Variants in CUX2 observed in about 807,000 individuals in gnomAD.
CUX2 encodes cut like homeobox 2, also known as homeobox protein cut-like 2.
CUX2 carries 40 observed loss-of-function variants against 144.8 expected under a neutral mutation model. The ratio of observed to expected loss-of-function variants is 0.28; its 90% CI spans 0.21 to 0.36. The LOEUF (loss-of-function observed/expected upper bound fraction) is 0.36, where lower values mean the gene tolerates loss of function less well. Ranked by LOEUF, CUX2 falls within the 10% of genes least tolerant of loss-of-function variation. The pLI is 1.00. For missense variants in CUX2, 1,615 were observed against 1,994.0 expected (o/e 0.81, Z 3.62); for synonymous variants, 827 against 875.6 (o/e 0.94, Z 0.98).
At chr12:111,147,862 A>G (rs1441476186) in intron 1 of CUX2, among the ~76,000 whole-genome samples, 1 of 152,228 alleles carries the variant, frequency 6.6e-6, no homozygotes, top group South Asian at 2.1e-4. Flanking sequence ...CAGGGGGCCC[A>G]GGCTCCCAGA....
At chr12:111,223,201 C>T (rs558414427) in intron 3 of CUX2, among the ~76,000 whole-genome samples, 2 of 152,184 alleles carry the variant, frequency 1.3e-5, no homozygotes, top group Admixed American at 1.3e-4. Flanking sequence ...TCCCTGCCCT[C>T]AAGGATGTCC....
Position 111,034,212 on chromosome 12 carries a change from G to A in CUX2, c.35G>A (p.Trp12Ter). The change falls in exon 1 of 22, where the codon TGG (tryptophan) becomes TAG (stop). Residue 12 changes from tryptophan (W) to a stop codon, truncating the protein, a stop_gained. Coordinates refer to ENST00000261726, the MANE Select transcript of CUX2 (RefSeq NM_015267.4). LOFTEE classifies it high-confidence loss of function. The surrounding 1 kb of genome is among the most constrained non-coding windows in gnomAD (Gnocchi z 4.2). ...AATGTGGGATCGATGTTTCAATATT[G>A]GAAGCGATTTGATCTACGGCGACTC... ...AANVGSMFQY[W>*]KRFDLRRLQK... is the part of the protein sequence containing the mutation. The A allele has an allele frequency of 7.1e-7, 1 of 1,401,912 alleles. No homozygotes were observed. Among genetic ancestry groups the A allele is most frequent in the Non-Finnish European group, 9.5e-7 (1 of 1,048,858 alleles). The allele number at this position is 1,401,912 out of a possible 1,614,324, so 86.8% of individuals were successfully genotyped here. A position where few individuals can be genotyped will look rare whatever the true frequency, so the allele number is the denominator to read the frequency against.
At chr12:111,314,617 G>A (rs373873942) in intron 16 of CUX2, among the ~76,000 whole-genome samples, 76 of 127,102 alleles carry the variant, frequency 6.0e-4, no homozygotes, top group Admixed American at 2.3e-3. Context: ...TCCAGCCTGC[G>A]CAACAAGAGC....
In CUX2 at chr12:111,304,173, G is replaced by A. The variant is rs1225883630; in HGVS notation, c.754-37G>A. The stretch of plus-strand genomic sequence containing the variant: ...AGGGAGAAGGTGGAAGTGCAGAGTG[G>A]GCTCACCTCTCGCCCACACTGTCCC... On this transcript the variant is annotated intron_variant, in intron 9 of 21. Transcript: ENST00000261726. This position sits in a 1 kb window ranked among gnomAD's most constrained non-coding sequence, Gnocchi z 4.7. 6.5e-7 allele frequency: 1 copy of A among 1,547,064 alleles called. No individual in the cohort carries two copies. Among genetic ancestry groups the A allele is most frequent in the Non-Finnish European group, 8.9e-7 (1 of 1,127,688 alleles).
At chr12:111,137,123 TA>T (rs1875945096) in intron 1 of CUX2, among the ~76,000 whole-genome samples, 1 of 147,674 alleles carries the variant, frequency 6.8e-6, no homozygotes, top group South Asian at 2.1e-4. Flanking sequence ...TTTTTTTTGG[TA>T]GAGATGGCCA....
intron 1 of CUX2, among the ~76,000 whole-genome samples, chr12:111,115,275 ATTTC>A (rs1874217266): frequency 1.4e-5 from 2 of 140,456 alleles, no homozygotes; most frequent in Non-Finnish European, 3.1e-5. Context: ...AGATAATAAA[ATTTC>A]TTTTTTTTTT....
intron 1 of CUX2, among the ~76,000 whole-genome samples, chr12:111,212,133 G>A (rs1592844233): frequency 6.6e-6 from 1 of 152,078 alleles, no homozygotes; most frequent in East Asian, 1.9e-4. Flanking sequence ...TTTGTCTATT[G>A]CTGCAAACAC....
intron 18 of CUX2, among the ~76,000 whole-genome samples, chr12:111,330,720 T>TATATATATAC (rs1565926234): frequency 2.0e-5 from 1 of 49,872 alleles, no homozygotes; most frequent in African/African-American, 1.1e-4. Flanking sequence ...TATATATATA[T>TATATATATAC]ATATATATAT....
At chr12:111,049,429 C>T (rs2136010219) in intron 1 of CUX2, among the ~76,000 whole-genome samples, 1 of 152,328 alleles carries the variant, frequency 6.6e-6, no homozygotes, top group Admixed American at 6.5e-5. Context: ...AAAGCAGTCC[C>T]TGTTCTTAAG....
intron 1 of CUX2, among the ~76,000 whole-genome samples, chr12:111,101,608 T>C (rs1873243606): frequency 6.6e-6 from 1 of 152,198 alleles, no homozygotes; most frequent in Non-Finnish European, 1.5e-5. Flanking sequence ...CTCTGCAGAA[T>C]AGAAGATGGT....
chr12:111,289,708 T>G lies in CUX2; in HGVS notation c.302-1710T>G, dbSNP rs1885572852. ...AGTGATTGGGGAATTGGTGGACATC[T>G]TACATCTAGATGTGTGTTTTGCCCC... is the stretch of plus-strand genomic sequence containing the variant. On this transcript the variant is annotated intron_variant, in intron 4 of 21. Transcript: ENST00000261726. This position sits in a 1 kb window ranked among gnomAD's most constrained non-coding sequence, Gnocchi z 4.1. Among the ~76,000 whole-genome samples the G allele has an allele frequency of 6.6e-6, 1 of 152,090 alleles. No homozygotes were observed.
chr12:111,168,570 TC>T (rs1484634161), intron 1 of CUX2, among the ~76,000 whole-genome samples: 5 of 152,126 alleles, frequency 3.3e-5, no homozygotes, highest in Admixed American at 1.3e-4. Flanking sequence ...GTTTCCACGT[TC>T]CCTAGCTCTG....
At chr12:111,062,833 C>T (rs973680777) in intron 1 of CUX2, among the ~76,000 whole-genome samples, 1 of 152,086 alleles carries the variant, frequency 6.6e-6, no homozygotes, top group African/African-American at 2.4e-5. Flanking sequence ...AGGGTAGGAG[C>T]GAGATGTGCG....
chr12:111,239,564 T>A (rs1882919633), intron 3 of CUX2, among the ~76,000 whole-genome samples: 1 of 152,248 alleles, frequency 6.6e-6, no homozygotes, highest in Non-Finnish European at 1.5e-5. Context: ...AGGGTGGTTT[T>A]GTACCTGGCT....
intron 4 of CUX2, among the ~76,000 whole-genome samples, chr12:111,275,715 C>T (rs1250988224): frequency 2.0e-5 from 3 of 152,124 alleles, no homozygotes; most frequent in East Asian, 1.9e-4. Context: ...TGGGTGTACC[C>T]GGACCCAAGA....
chr12:111,046,953 G>A (rs547483744), intron 1 of CUX2, among the ~76,000 whole-genome samples: 38 of 152,320 alleles, frequency 2.5e-4, no homozygotes, highest in African/African-American at 8.9e-4. Context: ...CACCACGCCC[G>A]GCCCCTTGCT....
chr12:111,189,843 G>A (rs1403015249), intron 1 of CUX2, among the ~76,000 whole-genome samples: 1 of 152,122 alleles, frequency 6.6e-6, no homozygotes, highest in Non-Finnish European at 1.5e-5. Flanking sequence ...ATATTTCTCT[G>A]GGGTAGGTAC....
chr12:111,200,642 T>A (rs1484908126), intron 1 of CUX2, among the ~76,000 whole-genome samples: 1 of 152,026 alleles, frequency 6.6e-6, no homozygotes, highest in Non-Finnish European at 1.5e-5. Flanking sequence ...CCCGGAGGTG[T>A]CGTCACTTGG....
chr12:111,192,006 A>G (rs868699796), intron 1 of CUX2, among the ~76,000 whole-genome samples: 1 of 152,120 alleles, frequency 6.6e-6, no homozygotes, highest in Non-Finnish European at 1.5e-5. Context: ...GGGGCTTTTT[A>G]TTGAGCACCT....
Sources: allele counts gnomAD v4.1 joint callset (sites outside exome capture counted in the v4.1 genomes callset), GRCh38; gene constraint gnomAD v4.1.1; non-coding constraint Gnocchi (gnomAD v3.1); transcripts MANE v1.5; gene names NCBI Gene and HGNC (gene_info 2026-07-23, HGNC 2026-07-21).